Variants in BCR observed in about 807,000 individuals in gnomAD.
BCR encodes breakpoint cluster region protein.
In BCR, 58 loss-of-function variants were observed where a neutral mutation model predicts 138.6. The ratio of observed to expected loss-of-function variants is 0.42; its 90% CI spans 0.34 to 0.52. The LOEUF (loss-of-function observed/expected upper bound fraction) is 0.52. BCR is among the 20% of genes least tolerant of loss of function. The probability of loss-of-function intolerance (pLI) is 0.06; values close to 1 mark genes in which losing one functional copy is unlikely to be tolerated. For missense variants in BCR, 1,599 were observed against 1,727.2 expected (o/e 0.93, Z 1.32); for synonymous variants, 786 against 730.1 (o/e 1.08, Z -1.23).
At chr22:23,236,938 T>C (rs1012666810) in intron 1 of BCR, among the ~76,000 whole-genome samples, 4 of 151,622 alleles carry the variant, frequency 2.6e-5, no homozygotes, top group African/African-American at 9.7e-5. Context: ...GAGGCAAGAG[T>C]GTTGGGCAGG....
chr22:23,203,092 T>C (rs1568931468), intron 1 of BCR, among the ~76,000 whole-genome samples: 1 of 152,064 alleles, frequency 6.6e-6, no homozygotes, highest in Non-Finnish European at 1.5e-5. Context: ...ACTCCTGGGC[T>C]CAAATGATCT....
intron 14 of BCR, among the ~76,000 whole-genome samples, chr22:23,291,583 C>T (rs758328891): frequency 7.9e-5 from 12 of 152,082 alleles, no homozygotes; most frequent in Admixed American, 1.3e-4. Context: ...TGACACCCTA[C>T]GCTGCCCCGT....
chr22:23,223,416 G>A (rs892302368), intron 1 of BCR, among the ~76,000 whole-genome samples: 13 of 152,204 alleles, frequency 8.5e-5, no homozygotes, highest in African/African-American at 2.7e-4. Flanking sequence ...CCTTGAGGCT[G>A]GGCTTTGGGC....
Position 23,182,096 on chromosome 22 carries a change from A to G in BCR, c.1136A>G (p.Asp379Gly), listed in dbSNP as rs1241361250. The change falls in exon 1 of 23, where the codon GAC becomes GGC. Residue 379 changes from aspartate (D) to glycine (G), a missense_variant. Transcript: ENST00000305877. Reference protein sequence around the residue: ...SPSQNSQQSFDSSSPPTPQCH... With the variant: ...SPSQNSQQSFGSSSPPTPQCH... The stretch of plus-strand genomic sequence containing the variant: ...TCGCAGAACTCGCAACAGTCCTTCG[A>G]CAGCAGCAGTCCCCCCACGCCGCAG... 6.2e-6 allele frequency: 10 copies of G among 1,612,976 alleles called. No individual in the cohort carries two copies. The South Asian group carries it at 1.1e-4, about 18-fold the overall frequency.
At chr22:23,234,292 T>C (rs1408564633) in intron 1 of BCR, among the ~76,000 whole-genome samples, 1 of 152,198 alleles carries the variant, frequency 6.6e-6, no homozygotes, top group Non-Finnish European at 1.5e-5. Flanking sequence ...CCAGTGGTTA[T>C]GTGAATGTGA....
At chr22:23,281,672 C>T (rs1218552023) in intron 8 of BCR, among the ~76,000 whole-genome samples, 5 of 144,088 alleles carry the variant, frequency 3.5e-5, no homozygotes, top group Non-Finnish European at 7.5e-5. Flanking sequence ...GAGAGTTGCA[C>T]AGGTGGGTGG....
chr22:23,198,129 T>C (rs2072504628), intron 1 of BCR: 1 of 296,836 alleles, frequency 3.4e-6, no homozygotes, highest in Non-Finnish European at 6.7e-6. Context: ...TAGGAGGTTA[T>C]GGGATAAAGG....
intron 4 of BCR, among the ~76,000 whole-genome samples, chr22:23,267,845 C>T (rs2146283777): frequency 6.6e-6 from 1 of 152,324 alleles, no homozygotes; most frequent in East Asian, 1.9e-4. Flanking sequence ...TCGGTCTCCC[C>T]CCACCAGGTG....
chr22:23,210,896 C>T (rs1262405178), intron 1 of BCR, among the ~76,000 whole-genome samples: 1 of 152,180 alleles, frequency 6.6e-6, no homozygotes, highest in Admixed American at 6.5e-5. Flanking sequence ...CCACTAACAT[C>T]TTTATTCAGA....
chr22:23,239,711 T>C (rs1000926447), intron 1 of BCR, among the ~76,000 whole-genome samples: 5 of 152,210 alleles, frequency 3.3e-5, no homozygotes, highest in African/African-American at 9.6e-5. Flanking sequence ...ACTGGAAATA[T>C]GAGATTGAGA....
intron 1 of BCR, chr22:23,199,131 A>AT (rs1214729819): frequency 3.0e-6 from 1 of 330,630 alleles, no homozygotes; most frequent in East Asian, 9.1e-5. Flanking sequence ...TCAAAAAAAA[A>AT]AAAAAGAATT....
In BCR at chr22:23,287,246, A is replaced by C; in HGVS notation, c.2494A>C (p.Met832Leu). The change falls in exon 11 of 23, where the codon ATG (methionine) becomes CTG (leucine). Residue 832 changes from methionine (M) to leucine (L), a missense_variant. Physicochemically the swap from Met to Leu is conservative, Grantham distance 15. Coordinates refer to ENST00000305877, the MANE Select transcript of BCR (RefSeq NM_004327.4). ...ESLLLLMSPSMAFRVHSRNGK... is the reference protein window; with the variant it reads ...ESLLLLMSPSLAFRVHSRNGK... ...ACTGCTGCTGCTTATGTCTCCCAGC[A>C]TGGCCTTCAGGGTGCACAGCCGCAA... 1.3e-6 allele frequency: 2 copies of C among 1,557,498 alleles called. No individual in the cohort carries two copies. The highest frequency in any genetic ancestry group is 1.7e-6 in the Non-Finnish European group (2 of 1,150,094).
chr22:23,211,527 C>A (rs112296845), intron 1 of BCR, among the ~76,000 whole-genome samples: 1,713 of 151,690 alleles, frequency 0.011, 33 homozygotes, highest in African/African-American at 0.04. Flanking sequence ...ACTCTGTTGC[C>A]CAGGCTGGAG....
chr22:23,195,454 T>C (rs2072467954), intron 1 of BCR, among the ~76,000 whole-genome samples: 1 of 146,454 alleles, frequency 6.8e-6, no homozygotes, highest in East Asian at 2.0e-4. Flanking sequence ...CAGCTGGGCA[T>C]GTTGGTGCAC....
In BCR at chr22:23,316,788, C is replaced by CA. The variant is rs1428224200; in HGVS notation, c.*1266_*1267insA. The stretch of plus-strand genomic sequence containing the variant: ...TCGCTACCCCATCTGCCGACACCTG[C>CA]GGGGGAGCCCAGGCATTCTTTGTAA... On this transcript the variant is annotated 3_prime_UTR_variant, in exon 23 of 23. Coordinates refer to ENST00000305877, the MANE Select transcript of BCR (RefSeq NM_004327.4). The CA allele has an allele frequency of 1.7e-5, 2 of 117,628 alleles. No homozygotes were observed. The highest frequency in any genetic ancestry group is 3.3e-4 in the South Asian group (1 of 3,066). The allele number at this position is 117,628 out of a possible 1,614,324, so 7.3% of individuals were successfully genotyped here.
At chr22:23,216,033 G>A (rs941783027) in intron 1 of BCR, among the ~76,000 whole-genome samples, 1 of 152,148 alleles carries the variant, frequency 6.6e-6, no homozygotes, top group African/African-American at 2.4e-5. Flanking sequence ...TGTCTTATAT[G>A]TAACCTTCTG....
intron 4 of BCR, chr22:23,264,012 G>A (rs1602079688): frequency 1.1e-6 from 1 of 901,480 alleles, no homozygotes; most frequent in African/African-American, 1.6e-5. Flanking sequence ...TGGGGTGCTG[G>A]ATGTCATATA....
intron 16 of BCR, among the ~76,000 whole-genome samples, chr22:23,303,407 T>A (rs2073924007): frequency 6.6e-6 from 1 of 152,236 alleles, no homozygotes; most frequent in Non-Finnish European, 1.5e-5. Context: ...AAGGATTATC[T>A]GAGGGCCACG....
At chr22:23,213,732 A>AG (rs1444112752) in intron 1 of BCR, among the ~76,000 whole-genome samples, 12 of 151,978 alleles carry the variant, frequency 7.9e-5, no homozygotes, top group Non-Finnish European at 1.6e-4. Context: ...CAGGAGGCTG[A>AG]GGCAGGAGAA....
Sources: gnomAD v4.1 joint callset for allele counts (sites outside exome capture counted in the v4.1 genomes callset) on GRCh38, gnomAD v4.1.1 for gene constraint, MANE v1.5 for transcripts, NCBI Gene and HGNC (gene_info 2026-07-23, HGNC 2026-07-21) for gene names.